MAGI1: variants seen among roughly 807,000 people sequenced by gnomAD.
MAGI1 encodes the protein membrane associated guanylate kinase, WW and PDZ domain containing 1.
A neutral mutation model predicts 139.9 loss-of-function variants in MAGI1; 58 were observed. That is an observed-to-expected ratio of 0.41 (90% confidence interval 0.34 to 0.52). The LOEUF (loss-of-function observed/expected upper bound fraction) is 0.52. MAGI1 is among the 20% of genes least tolerant of loss of function. The pLI is 0.12. For missense variants in MAGI1, 1,874 were observed against 1,901.6 expected, an observed-to-expected ratio of 0.99 and a Z score of 0.27; for synonymous variants, 812 against 737.9, an observed-to-expected ratio of 1.10 and a Z score of -1.63.
chr3:65,839,877 T>C (rs139296973), intron 1 of MAGI1, among the ~76,000 whole-genome samples: 17 of 152,364 alleles, frequency 1.1e-4, no homozygotes, highest in Admixed American at 2.0e-4. Flanking sequence ...CTTTACGACG[T>C]TGAGTCTTCA....
At chr3:65,377,798 G>A (rs574900583) in intron 17 of MAGI1, among the ~76,000 whole-genome samples, 3 of 152,310 alleles carry the variant, frequency 2.0e-5, no homozygotes, top group Middle Eastern at 3.4e-3. Context: ...AGTAATAGGC[G>A]TTTGTTACTG....
intron 1 of MAGI1, among the ~76,000 whole-genome samples, chr3:65,719,280 CAT>C (rs1043155571): frequency 1.5e-4 from 22 of 150,662 alleles, no homozygotes; most frequent in South Asian, 6.3e-4. Context: ...TATATATACA[CAT>C]ATATGTGTGT....
rs765973071 is a variant in MAGI1 at position 65,470,241 on chromosome 3, G to T, written c.959+42C>A. 3.5e-6 allele frequency: 5 copies of T among 1,416,002 alleles called. No homozygotes were observed. In the South Asian group the frequency reaches 4.7e-5, roughly 13 times the overall value. The allele number at this position is 1,416,002 out of a possible 1,614,324, so 87.7% of individuals were successfully genotyped here. A position where few individuals can be genotyped will look rare whatever the true frequency, so the allele number is the denominator to read the frequency against. ...CTAGACAGAGGGAAGGAAGGGAAAA[G>T]AAAGAGAGAGAGATTTAGGTAGAAA... is the stretch of plus-strand genomic sequence containing the variant. On this transcript the variant is annotated intron_variant, in intron 5 of 22. Transcript: ENST00000402939.
intron 1 of MAGI1, among the ~76,000 whole-genome samples, chr3:65,751,604 AAG>A (rs1327292005): frequency 1.3e-5 from 2 of 152,214 alleles, no homozygotes; most frequent in Non-Finnish European, 2.9e-5. Context: ...GGCCTTAGGA[AAG>A]AGAGAGATGA....
At chr3:65,549,356 T>A in intron 2 of MAGI1, 26 of 779,172 alleles carry the variant, frequency 3.3e-5, no homozygotes, top group Non-Finnish European at 4.0e-5. Context: ...CCTAACCCCC[T>A]CCCCTCCCCT....
At chr3:65,499,929 T>C (rs1314042332) in intron 2 of MAGI1, among the ~76,000 whole-genome samples, 1 of 152,210 alleles carries the variant, frequency 6.6e-6, no homozygotes, top group Non-Finnish European at 1.5e-5. Context: ...GGTAACTGTC[T>C]TGGCATTTTA....
intron 1 of MAGI1, among the ~76,000 whole-genome samples, chr3:65,784,220 G>GA (rs2039191286): frequency 6.6e-6 from 1 of 152,152 alleles, no homozygotes; most frequent in Non-Finnish European, 1.5e-5. Flanking sequence ...AGCCACTTTG[G>GA]AAAACAGTCT....
At chr3:65,683,507 A>C (rs1336891316) in intron 1 of MAGI1, among the ~76,000 whole-genome samples, 3 of 152,108 alleles carry the variant, frequency 2.0e-5, no homozygotes, top group Admixed American at 6.5e-5. Context: ...AAGACAAGCT[A>C]TAGGCTGAGA....
At chr3:65,610,775 T>TAC (rs1168946152) in intron 2 of MAGI1, among the ~76,000 whole-genome samples, 6 of 77,010 alleles carry the variant, frequency 7.8e-5, no homozygotes, top group Admixed American at 2.4e-4. Flanking sequence ...CATATATATA[T>TAC]ACTGTATATA....
intron 1 of MAGI1, among the ~76,000 whole-genome samples, chr3:65,998,204 T>TATA (rs1339433400): frequency 6.6e-6 from 1 of 152,006 alleles, no homozygotes; most frequent in Admixed American, 6.6e-5. Context: ...ATGGGAAGAC[T>TATA]ATACTTCCCT....
intron 1 of MAGI1, among the ~76,000 whole-genome samples, chr3:65,630,967 G>T (rs745348483): frequency 6.6e-5 from 10 of 152,232 alleles, no homozygotes; most frequent in Admixed American, 2.0e-4. Flanking sequence ...GCACTGAGAG[G>T]ATTTGAGCCA....
chr3:65,469,916 A>T (rs1316823790), intron 5 of MAGI1: 1 of 147,614 alleles, frequency 6.8e-6, no homozygotes, highest in Non-Finnish European at 1.5e-5. Context: ...ATTTATTTTT[A>T]AATATATTTA....
intron 17 of MAGI1, 142 bp from the exon 18 acceptor site, chr3:65,376,087 G>A (rs571080460): frequency 3.7e-5 from 24 of 642,988 alleles, no homozygotes; most frequent in African/African-American, 1.6e-4. Context: ...GGAGAGCTCT[G>A]CACCGATGGT....
At position 65,604,052 on chromosome 3, in the gene MAGI1, T is replaced by C. The variant is rs76784340; in HGVS notation, c.430+17920A>G. On this transcript the variant is annotated intron_variant, in intron 2 of 22. Transcript: ENST00000402939. Reference sequence around the variant, plus strand: ...GTGATACATTCACATTATAGCACTTTGTAATTTTCACAATATCAAAATTTC... The same window carrying C: ...GTGATACATTCACATTATAGCACTTCGTAATTTTCACAATATCAAAATTTC... 7.2e-3 allele frequency among the ~76,000 whole-genome samples: 1,100 copies of C among 152,332 alleles called. 15 individuals carry two copies. Among genetic ancestry groups the C allele is most frequent in the African/African-American group, 0.025 (1,056 of 41,572 alleles).
At chr3:65,788,964 G>A (rs749333721) in intron 1 of MAGI1, among the ~76,000 whole-genome samples, 3 of 152,050 alleles carry the variant, frequency 2.0e-5, no homozygotes, top group Non-Finnish European at 4.4e-5. Flanking sequence ...AATCCGTTGC[G>A]GCCAGGAGTT....
chr3:65,629,277 G>A (rs955083844), intron 1 of MAGI1, among the ~76,000 whole-genome samples: 2 of 152,148 alleles, frequency 1.3e-5, no homozygotes, highest in Admixed American at 6.6e-5. Context: ...ATCTGTGACC[G>A]AGAGGGCAGA....
chr3:65,770,076 A>G (rs1022265299), intron 1 of MAGI1, among the ~76,000 whole-genome samples: 2 of 152,190 alleles, frequency 1.3e-5, no homozygotes, highest in African/African-American at 4.8e-5. Flanking sequence ...CTTATTACTG[A>G]GAGGACAAGA....
intron 18 of MAGI1, among the ~76,000 whole-genome samples, chr3:65,368,405 T>C (rs1175233712): frequency 6.6e-6 from 1 of 152,214 alleles, no homozygotes; most frequent in Non-Finnish European, 1.5e-5. Context: ...CAGTCATGTA[T>C]CAAGAGAAGC....
chr3:65,869,423 CAG>C lies in MAGI1; in HGVS notation c.313+168571_313+168572del, dbSNP rs1291503014. 2.7e-5 allele frequency among the ~76,000 whole-genome samples: 4 copies of C among 147,780 alleles called. No individual in the cohort carries two copies. In the South Asian group the frequency reaches 8.7e-4, roughly 32 times the overall value. ...TTGTTGTTGTTGTTGTTGTTTGAGA[CAG>C]AGTCTTGCTCTCTCACCCAGGTTGG... is the stretch of plus-strand genomic sequence containing the variant. On this transcript the variant is annotated intron_variant, in intron 1 of 22. Coordinates refer to ENST00000402939, the MANE Select transcript of MAGI1 (RefSeq NM_001033057.2).
Sources: gnomAD v4.1 joint callset for allele counts (sites outside exome capture counted in the v4.1 genomes callset) on GRCh38, gnomAD v4.1.1 for gene constraint, MANE v1.5 for transcripts, NCBI Gene and HGNC (gene_info 2026-07-23, HGNC 2026-07-21) for gene names.